Variants in KALRN observed in about 807,000 individuals in gnomAD.
KALRN encodes the protein kalirin RhoGEF kinase.
KALRN carries 70 observed loss-of-function variants against 353.7 expected under a neutral mutation model. The ratio of observed to expected loss-of-function variants is 0.20; its 90% CI spans 0.16 to 0.24. KALRN has a LOEUF of 0.24. Among genes scored for constraint, KALRN ranks in the 10% least tolerant of loss-of-function variants. KALRN has a pLI of 1.00. For missense variants in KALRN, 2,791 were observed against 3,756.7 expected (o/e 0.74, Z 6.72); for synonymous variants, 1,391 against 1,434.8 (o/e 0.97, Z 0.69).
intron 12 of KALRN, chr3:124,395,561 T>C: frequency 1.9e-6 from 1 of 534,028 alleles, no homozygotes; most frequent in Non-Finnish European, 3.3e-6. Flanking sequence ...TTATTTATCA[T>C]TCAGGATGTT....
intron 1 of KALRN, among the ~76,000 whole-genome samples, chr3:124,216,479 A>G (rs1177509606): frequency 6.6e-6 from 1 of 152,248 alleles, no homozygotes; most frequent in Non-Finnish European, 1.5e-5. Flanking sequence ...ATATGGACAG[A>G]TATGCAATGG....
chr3:124,336,673 A>C (rs774064314), intron 9 of KALRN, among the ~76,000 whole-genome samples: 9 of 152,142 alleles, frequency 5.9e-5, no homozygotes, highest in Non-Finnish European at 1.3e-4. Flanking sequence ...AAAAGTATAA[A>C]ACCACACCTG....
At chr3:124,138,486 G>A (rs934510978) in intron 1 of KALRN, among the ~76,000 whole-genome samples, 2 of 152,154 alleles carry the variant, frequency 1.3e-5, no homozygotes, top group East Asian at 1.9e-4. Context: ...CACTCAATGG[G>A]CAGAGACAGA....
intron 19 of KALRN, among the ~76,000 whole-genome samples, chr3:124,444,780 A>T (rs2093777273): frequency 6.8e-6 from 1 of 146,146 alleles, no homozygotes; most frequent in Non-Finnish European, 1.5e-5. Flanking sequence ...ATCTTGGGTG[A>T]CAGAGCAAGA....
intron 58 of KALRN, among the ~76,000 whole-genome samples, chr3:124,716,670 G>C (rs1345465532): frequency 6.6e-6 from 1 of 152,140 alleles, no homozygotes; most frequent in Non-Finnish European, 1.5e-5. Context: ...GCTAGGCACA[G>C]TGGCCTCCTC....
chr3:124,390,992 G>A (rs2089284042), intron 11 of KALRN, among the ~76,000 whole-genome samples: 1 of 152,116 alleles, frequency 6.6e-6, no homozygotes, highest in Non-Finnish European at 1.5e-5. Context: ...TGTAGGGCAT[G>A]GAAAGGCTCC....
chr3:124,613,451 C>A (rs750085542), intron 34 of KALRN, among the ~76,000 whole-genome samples: 1 of 152,160 alleles, frequency 6.6e-6, no homozygotes, highest in East Asian at 1.9e-4. Context: ...CAGGATTAGG[C>A]TCATGGCAAC....
At chr3:124,224,408 A>G (rs1373981424) in intron 1 of KALRN, among the ~76,000 whole-genome samples, 1 of 152,060 alleles carries the variant, frequency 6.6e-6, no homozygotes, top group Non-Finnish European at 1.5e-5. Flanking sequence ...AAATCTCATA[A>G]TGTTTTAAGA....
chr3:124,725,348 TA>T lies in KALRN; in HGVS notation c.*5882del, dbSNP rs2063406567. On this transcript the variant is annotated 3_prime_UTR_variant, in exon 60 of 60. Coordinates refer to ENST00000682506, the MANE Select transcript of KALRN (RefSeq NM_001388419.1). ...CAGCCTACTCTATGGGGAAGGTGAG[TA>T]AAACTAGTAGTTAGAACAAATATGA... is the stretch of plus-strand genomic sequence containing the variant. 1 of 152,176 alleles carries T rather than the reference TA, an allele frequency of 6.6e-6. No individual in the cohort carries two copies. Among genetic ancestry groups the T allele is most frequent in the South Asian group, 2.1e-4 (1 of 4,830 alleles). The allele number at this position is 152,176 out of a possible 1,614,324, so 9.4% of individuals were successfully genotyped here.
chr3:124,432,607 C>T (rs1193573056), intron 16 of KALRN, among the ~76,000 whole-genome samples: 2 of 152,116 alleles, frequency 1.3e-5, no homozygotes, highest in East Asian at 3.9e-4. Flanking sequence ...CAAATGGTGG[C>T]CAAGTAAGAC....
chr3:124,303,376 G>C (rs9790193), intron 6 of KALRN, among the ~76,000 whole-genome samples: 10,279 of 152,120 alleles, frequency 0.068, 1,012 homozygotes, highest in East Asian at 0.47. Context: ...CAGACAACCA[G>C]CTTTCCTGAG....
chr3:124,507,349 C>T (rs575294615), intron 33 of KALRN, among the ~76,000 whole-genome samples: 4 of 152,092 alleles, frequency 2.6e-5, no homozygotes, highest in Admixed American at 6.6e-5. Context: ...AAAATATGTT[C>T]TCTGACATTT....
At chr3:124,563,374 C>G (rs2072306742) in intron 34 of KALRN, among the ~76,000 whole-genome samples, 1 of 152,316 alleles carries the variant, frequency 6.6e-6, no homozygotes, top group Middle Eastern at 3.4e-3. Context: ...TCCAGTTTTC[C>G]CATCATATCA....
intron 18 of KALRN, among the ~76,000 whole-genome samples, chr3:124,439,522 ATATCAAAAACATATAAGCTTAGATAT>A (rs1560947634): frequency 1.3e-5 from 2 of 152,222 alleles, no homozygotes; most frequent in Admixed American, 1.3e-4. Context: ...TTTGATAGTA[ATATCAAAAACATATAAGCTTAGATAT>A]AAAACATGAT....
intron 53 of KALRN, 112 bp from the exon 54 acceptor site, chr3:124,696,022 C>A: frequency 9.3e-7 from 1 of 1,078,250 alleles, no homozygotes; most frequent in Non-Finnish European, 1.4e-6. Flanking sequence ...GGACTGACCT[C>A]GGGCCTGAGG....
intron 1 of KALRN, among the ~76,000 whole-genome samples, chr3:124,035,498 C>T (rs2039334244): frequency 6.6e-6 from 1 of 152,160 alleles, no homozygotes; most frequent in Non-Finnish European, 1.5e-5. Flanking sequence ...TGTGAGCCTT[C>T]CCACCTTCCC....
chr3:124,316,832 G>T (rs1229922133), intron 6 of KALRN, among the ~76,000 whole-genome samples: 1 of 152,192 alleles, frequency 6.6e-6, no homozygotes, highest in African/African-American at 2.4e-5. Flanking sequence ...ACAATGTCTT[G>T]TATTGTTGAA....
chr3:124,564,784 C>T (rs56040824), intron 34 of KALRN, among the ~76,000 whole-genome samples: 13,200 of 152,304 alleles, frequency 0.087, 759 homozygotes, highest in South Asian at 0.12. Context: ...TTTTAACAAG[C>T]CTTCCAGGTG....
intron 33 of KALRN, among the ~76,000 whole-genome samples, chr3:124,531,721 T>A (rs1304686879): frequency 2.0e-5 from 3 of 152,134 alleles, no homozygotes; most frequent in Non-Finnish European, 4.4e-5. Flanking sequence ...ACAAAAGGGA[T>A]GGTGCTAAGC....
Sources: gnomAD v4.1 joint callset for allele counts (sites outside exome capture counted in the v4.1 genomes callset) on GRCh38, gnomAD v4.1.1 for gene constraint, MANE v1.5 for transcripts, NCBI Gene and HGNC (gene_info 2026-07-23, HGNC 2026-07-21) for gene names.